Variants in TRMT5 observed in about 807,000 individuals in gnomAD.
The protein encoded by TRMT5 is tRNA (guanine(37)-N(1))-methyltransferase.
In TRMT5, 31 loss-of-function variants were observed where a neutral mutation model predicts 42.2. The observed-to-expected ratio is 0.73, with a 90% CI of 0.55 to 0.99. The LOEUF is 0.99. Ranked by LOEUF, TRMT5 falls within the 50% of genes least tolerant of loss-of-function variation. The pLI, the probability that TRMT5 is intolerant of heterozygous loss-of-function variation, is 0.00. For missense variants in TRMT5, 568 were observed against 595.0 expected (o/e 0.95, Z 0.47); for synonymous variants, 198 against 209.6 (o/e 0.94, Z 0.48).
At chr14:60,975,231 A>G (rs1453019049) in intron 4 of TRMT5, 37 bp from the exon 5 acceptor site, 1 of 1,535,954 alleles carries the variant, frequency 6.5e-7, no homozygotes, top group Admixed American at 2.1e-5. Flanking sequence ...TAGGTAAGAT[A>G]TTAACAGTTG....
At chr14:60,981,530 C>A (rs2037020402), upstream of TRMT5, 1 of 1,532,894 alleles carries the variant, frequency 6.5e-7, no homozygotes, top group Admixed American at 2.0e-5. Context: ...AAGGCAGCCG[C>A]CGAGATTCAG....
Position 60,975,929 on chromosome 14 carries a change from A to G in TRMT5, c.990T>C (p.Pro330=). 1.2e-6 allele frequency: 2 copies of G among 1,614,200 alleles called. No individual in the cohort carries two copies. The part of the protein sequence containing the change: ...NCTVFANDLN[P]ESHKWLLYNC... ...TGTACAACAGCCATTTATGAGATTC[A>G]GGATTGAGATCATTGGCAAATACAG... Residue 330 remains proline, a synonymous_variant, in exon 4 of 5, where the codon CCT becomes CCC. Transcript: ENST00000261249.
At chr14:60,980,057 G>T (rs1187297958) in intron 1 of TRMT5, among the ~76,000 whole-genome samples, 171 bp from the exon 2 acceptor site, 2 of 152,096 alleles carry the variant, frequency 1.3e-5, no homozygotes, top group African/African-American at 4.8e-5. Context: ...TCGTATTAGT[G>T]GTAGATAATA....
chr14:60,978,208 C>T (rs575246714), intron 2 of TRMT5, among the ~76,000 whole-genome samples: 1 of 152,264 alleles, frequency 6.6e-6, no homozygotes, highest in South Asian at 2.1e-4. Context: ...AAAAAAGCTA[C>T]AGAACTGGCA....
chr14:60,972,466 T>TGAC lies in TRMT5; in HGVS notation c.*2642_*2643insGTC, dbSNP rs1555340065. 1.4e-5 allele frequency: 7 copies of TGAC among 490,404 alleles called. No individual in the cohort carries two copies. The highest frequency in any genetic ancestry group is 1.2e-4 in the African/African-American group (6 of 50,756). 30.4% of individuals were successfully genotyped at this position (490,404 alleles called of 1,614,324 possible). ...TCCCCTTCAGTCTTTCTCTTGGGCA[T>TGAC]GGCGGCGGCGGCGGCGGCGGGATGT... On this transcript the variant is annotated 3_prime_UTR_variant, in exon 5 of 5. Coordinates refer to ENST00000261249, the MANE Select transcript of TRMT5 (RefSeq NM_020810.3).
In TRMT5 at chr14:60,980,926, C is replaced by G. The variant is rs1342758776; in HGVS notation, c.11+37G>C. On this transcript the variant is annotated intron_variant, in intron 1 of 4. Coordinates refer to ENST00000261249, the MANE Select transcript of TRMT5 (RefSeq NM_020810.3). The stretch of plus-strand genomic sequence containing the variant: ...CAGCCCTGGGCGGGCTGGTACCTCC[C>G]CTGGACCATTAGCCCCTAACGCGGC... 3.7e-6 allele frequency: 6 copies of G among 1,612,462 alleles called. No homozygotes were observed. The Admixed American group carries it at 5.0e-5, about 13-fold the overall frequency.
intron 3 of TRMT5, among the ~76,000 whole-genome samples, chr14:60,977,178 A>C (rs917553621): frequency 1.3e-5 from 2 of 152,150 alleles, no homozygotes; most frequent in Admixed American, 1.3e-4. Flanking sequence ...CTCGAGAACT[A>C]TTTTATACAT....
In TRMT5 at chr14:60,979,256, A is replaced by C. The variant is rs1451792176; in HGVS notation, c.642T>G (p.His214Gln). ...GHIAHLNLRD[H>Q]QLPFKHLIGQ... is the part of the protein sequence containing the mutation. ...CAATTAAATGTTTGAAAGGCAGCTG[A>C]TGATCTCGAAGGTTTAGGTGTGCAA... The change falls in exon 2 of 5, where the codon CAT becomes CAG. Residue 214 changes from histidine (H) to glutamine (Q), a missense_variant. Coordinates refer to ENST00000261249, the MANE Select transcript of TRMT5 (RefSeq NM_020810.3). The C allele has an allele frequency of 1.2e-6, 2 of 1,608,380 alleles. No homozygotes were observed. The highest frequency in any genetic ancestry group is 1.7e-6 in the Non-Finnish European group (2 of 1,177,156).
At chr14:60,976,751 C>A (rs145125403) in intron 3 of TRMT5, among the ~76,000 whole-genome samples, 2 of 152,162 alleles carry the variant, frequency 1.3e-5, no homozygotes, top group African/African-American at 2.4e-5. Context: ...TTCTCTTTCC[C>A]AAATTTGAGT....
intron 1 of TRMT5, 155 bp downstream of exon 1, chr14:60,980,808 C>T: frequency 4.5e-6 from 5 of 1,101,612 alleles, no homozygotes; most frequent in Non-Finnish European, 5.3e-6. Context: ...TTGAAACATT[C>T]CTTACTATCC....
chr14:60,977,489 C>T, intron 3 of TRMT5, 25 bp downstream of exon 3: 3 of 1,586,500 alleles, frequency 1.9e-6, no homozygotes, highest in Non-Finnish European at 2.6e-6. Flanking sequence ...TGATATACAC[C>T]TTACTTGGAG....
chr14:60,979,632 G>A lies in TRMT5; in HGVS notation c.266C>T (p.Ala89Val). Reference protein sequence around the residue: ...VRGMTKLDRTAFKKTVNIPVL... With the variant: ...VRGMTKLDRTVFKKTVNIPVL... ...TGGAATGTTGACTGTCTTTTTAAAA[G>A]CTGTTCTATCAAGTTTTGTCATGCC... Residue 89 changes from alanine (A) to valine (V), a missense_variant, in exon 2 of 5, where the codon GCT (alanine) becomes GTT (valine). Physicochemically the swap from Ala to Val is moderately conservative, Grantham distance 64 (BLOSUM62 0). Coordinates refer to ENST00000261249, the MANE Select transcript of TRMT5 (RefSeq NM_020810.3). 9 of 1,614,066 alleles carry A rather than the reference G, an allele frequency of 5.6e-6. No individual in the cohort carries two copies. The highest frequency in any genetic ancestry group is 7.6e-6 in the Non-Finnish European group (9 of 1,180,016).
At chr14:60,978,057 C>T (rs1181342268) in intron 2 of TRMT5, among the ~76,000 whole-genome samples, 1 of 152,090 alleles carries the variant, frequency 6.6e-6, no homozygotes, top group African/African-American at 2.4e-5. Context: ...TGGCCTCAAG[C>T]CAAATGTCTG....
At chr14:60,977,703 A>G in intron 2 of TRMT5, 65 bp from the exon 3 acceptor site, 2 of 1,448,870 alleles carry the variant, frequency 1.4e-6, no homozygotes, top group South Asian at 1.5e-5. Context: ...TAACATTGTT[A>G]ATATGAAACA....
upstream of TRMT5, chr14:60,981,338 C>G (rs2036994188): frequency 6.2e-7 from 1 of 1,610,506 alleles, no homozygotes. Context: ...TGTCCAGCAG[C>G]CTGAAGAAGC....
chr14:60,981,074 T>G lies in TRMT5; in HGVS notation c.-101A>C, dbSNP rs568038235. 4.0e-4 allele frequency: 638 copies of G among 1,604,730 alleles called. 2 individuals are homozygous for G. In the African/African-American group the frequency reaches 7.1e-3, roughly 18 times the overall value. ...TGGGTCGCGGGTGGATGGGCGGGTC[T>G]TCTATGACATCATCACTGTTCGCCG... On this transcript the variant is annotated 5_prime_UTR_variant, in exon 1 of 5. Transcript: ENST00000261249.
intron 3 of TRMT5, 141 bp from the exon 4 acceptor site, chr14:60,976,267 T>A: frequency 4.3e-6 from 4 of 929,684 alleles, no homozygotes; most frequent in Non-Finnish European, 6.3e-6. Flanking sequence ...ACAGTGCATT[T>A]AAAGGCATTT....
chr14:60,981,422 C>A, upstream of TRMT5: 1 of 1,554,454 alleles, frequency 6.4e-7, no homozygotes, highest in African/African-American at 1.4e-5. Context: ...TGACGCCCTC[C>A]GGCTTCCCTC....
rs2036815522 is a variant in TRMT5, at chr14:60,974,297, ACT to A, written c.*810_*811del. The A allele has an allele frequency of 6.6e-6, 1 of 152,324 alleles. No individual in the cohort carries two copies. Among genetic ancestry groups the A allele is most frequent in the Admixed American group, 6.5e-5 (1 of 15,300 alleles). 9.4% of individuals were successfully genotyped at this position (152,324 alleles called of 1,614,324 possible). On this transcript the variant is annotated 3_prime_UTR_variant, in exon 5 of 5. Coordinates refer to ENST00000261249, the MANE Select transcript of TRMT5 (RefSeq NM_020810.3). ...ATTCAGTGTGTGTTGCAACCACTCA[ACT>A]CTGCTATTGTTCAAGAAAGCAGCTG...
Sources: allele counts gnomAD v4.1 joint callset (sites outside exome capture counted in the v4.1 genomes callset), GRCh38; gene constraint gnomAD v4.1.1; transcripts MANE v1.5; gene names NCBI Gene and HGNC (gene_info 2026-07-23, HGNC 2026-07-21).